Variants in MMADHC observed in about 807,000 individuals in gnomAD.
MMADHC encodes the protein cobalamin trafficking protein CblD.
In MMADHC, 23 loss-of-function variants were observed where a neutral mutation model predicts 36.3. The observed-to-expected ratio is 0.63, with a 90% CI of 0.46 to 0.90. The LOEUF is 0.90. Among genes scored for constraint, MMADHC ranks in the 40% least tolerant of loss-of-function variants. The probability of loss-of-function intolerance (pLI) is 0.00; values close to 1 mark genes in which losing one functional copy is unlikely to be tolerated. For missense variants in MMADHC, 330 were observed against 348.0 expected (o/e 0.95, Z 0.41); for synonymous variants, 97 against 116.1 (o/e 0.84, Z 1.06).
At chr2:149,570,724 C>G (rs1428044100) in intron 7 of MMADHC, among the ~76,000 whole-genome samples, 1 of 152,132 alleles carries the variant, frequency 6.6e-6, no homozygotes, top group East Asian at 1.9e-4. Context: ...CTGTATTTTA[C>G]TCAATTAATT....
chr2:149,574,790 T>A (rs773242057), intron 6 of MMADHC, among the ~76,000 whole-genome samples: 2 of 152,216 alleles, frequency 1.3e-5, no homozygotes, highest in African/African-American at 4.8e-5. Context: ...TTTAAACTTA[T>A]AAATGACTAA....
In MMADHC at chr2:149,579,414, T is replaced by A; in HGVS notation, c.372+17A>T. The A allele has an allele frequency of 6.3e-7, 1 of 1,594,850 alleles. No individual in the cohort carries two copies. Among genetic ancestry groups the A allele is most frequent in the Non-Finnish European group, 8.6e-7 (1 of 1,164,414 alleles). On this transcript the variant is annotated intron_variant, in intron 4 of 7. Transcript: ENST00000303319. ...TTAATAATCAGGAAAGCACAATAAA[T>A]GTTACCAACAATTTACCTGAAATTC...
intron 2 of MMADHC, among the ~76,000 whole-genome samples, chr2:149,584,023 T>A (rs566940122): frequency 1.3e-5 from 2 of 152,312 alleles, no homozygotes; most frequent in Admixed American, 1.3e-4. Context: ...TCTGTCAACC[T>A]GAAAATTTAG....
At chr2:149,582,097 A>G (rs758002608) in intron 3 of MMADHC, 30 bp downstream of exon 3, 26 of 1,611,400 alleles carry the variant, frequency 1.6e-5, no homozygotes, top group South Asian at 7.7e-5. Context: ...TGAAACAATT[A>G]TAAGTAAAGC....
In MMADHC at chr2:149,575,918, T is replaced by C. The variant is rs1682710324; in HGVS notation, c.479-77A>G. The C allele has an allele frequency of 9.5e-6, 11 of 1,154,298 alleles. No individual in the cohort carries two copies. The South Asian group carries it at 1.6e-4, about 17-fold the overall frequency. 71.5% of individuals were successfully genotyped at this position (1,154,298 alleles called of 1,614,324 possible). ...ACAAATTTTTAAAGAAGGATAAAAG[T>C]ACTTCTTTAGAAAAATGCTGATTAA... On this transcript the variant is annotated intron_variant, in intron 5 of 7. Coordinates refer to ENST00000303319, the MANE Select transcript of MMADHC (RefSeq NM_015702.3).
chr2:149,573,447 C>T (rs1682672196), intron 6 of MMADHC, among the ~76,000 whole-genome samples: 1 of 152,208 alleles, frequency 6.6e-6, no homozygotes, highest in African/African-American at 2.4e-5. Flanking sequence ...CCAACCTCCT[C>T]TGCTTAGCTG....
chr2:149,586,534 T>TA (rs1184935656), intron 2 of MMADHC, among the ~76,000 whole-genome samples: 1 of 152,032 alleles, frequency 6.6e-6, no homozygotes, highest in Non-Finnish European at 1.5e-5. Context: ...GTGTAGGTTC[T>TA]AAAAAAAATT....
At position 149,571,112 on chromosome 2, in the gene MMADHC, G is replaced by T; in HGVS notation, c.669C>A (p.Asp223Glu). ...CCAAACCAGATGATGGGTCAATAAA[G>T]TCAGCCCAATAACCCTCAGCTCGAA... ...YALRAEGYWA[D>E]FIDPSSGLAF... Residue 223 changes from aspartate to glutamate, a missense_variant, in exon 7 of 8, where the codon GAC becomes GAA. Coordinates refer to ENST00000303319, the MANE Select transcript of MMADHC (RefSeq NM_015702.3). The T allele has an allele frequency of 6.2e-7, 1 of 1,612,592 alleles. No homozygotes were observed. Among genetic ancestry groups the T allele is most frequent in the Non-Finnish European group, 8.5e-7 (1 of 1,178,952 alleles).
At chr2:149,585,651 A>T (rs755938970) in intron 2 of MMADHC, among the ~76,000 whole-genome samples, 1 of 152,216 alleles carries the variant, frequency 6.6e-6, no homozygotes, top group Non-Finnish European at 1.5e-5. Context: ...CTTTGTTCAG[A>T]AAGGCTTTGT....
At chr2:149,573,244 T>TCAAACAAA (rs35931030) in intron 6 of MMADHC, among the ~76,000 whole-genome samples, 2 of 151,978 alleles carry the variant, frequency 1.3e-5, no homozygotes, top group Admixed American at 6.6e-5. Context: ...AGACTAGTTT[T>TCAAACAAA]CAAACAAACA....
chr2:149,570,925 C>T (rs752888083), intron 7 of MMADHC, among the ~76,000 whole-genome samples, 160 bp downstream of exon 7: 1 of 152,112 alleles, frequency 6.6e-6, no homozygotes, highest in African/African-American at 2.4e-5. Context: ...ATAGAGGTCT[C>T]TCAAAAGTTG....
chr2:149,584,085 A>G (rs144039153), intron 2 of MMADHC, among the ~76,000 whole-genome samples: 1 of 152,186 alleles, frequency 6.6e-6, no homozygotes, highest in Non-Finnish European at 1.5e-5. Context: ...CAAAAATGGT[A>G]ATTATTTGGC....
rs916390253 is a variant in MMADHC at position 149,579,377 on chromosome 2, A to G, written c.372+54T>C. 4.7e-6 allele frequency: 7 copies of G among 1,491,494 alleles called. No individual in the cohort carries two copies. The African/African-American group carries it at 8.3e-5, about 18-fold the overall frequency. The allele number at this position is 1,491,494 out of a possible 1,614,324, so 92.4% of individuals were successfully genotyped here. A position where few individuals can be genotyped will look rare whatever the true frequency, so the allele number is the denominator to read the frequency against. ...AAAAGTAATATGCTTATAATAATCA[A>G]GTCATATAGCATTAATAATCAGGAA... On this transcript the variant is annotated intron_variant, in intron 4 of 7. Transcript: ENST00000303319.
rs150735541 is a variant in MMADHC at position 149,578,483 on chromosome 2, T to C, written c.372+948A>G. ...AAACAAAGATGGTTCAGTAGGCATA[T>C]AGAAATATAGAACTGGAAATGTCAG... On this transcript the variant is annotated intron_variant, in intron 4 of 7. Coordinates refer to ENST00000303319, the MANE Select transcript of MMADHC (RefSeq NM_015702.3). Among the ~76,000 whole-genome samples, 598 of 152,206 alleles carry C rather than the reference T, an allele frequency of 3.9e-3. 2 individuals carry two copies. The highest frequency in any genetic ancestry group is 6.9e-3 in the Non-Finnish European group (469 of 68,006).
intron 3 of MMADHC, among the ~76,000 whole-genome samples, chr2:149,579,977 G>C (rs1682773276): frequency 6.6e-6 from 1 of 152,146 alleles, no homozygotes; most frequent in Admixed American, 6.5e-5. Context: ...TGCGTTAAAA[G>C]AAAAAGCTAA....
intron 3 of MMADHC, among the ~76,000 whole-genome samples, chr2:149,581,830 G>C (rs1026577143): frequency 2.0e-5 from 3 of 152,176 alleles, no homozygotes; most frequent in African/African-American, 7.2e-5. Flanking sequence ...CAAAGAATGG[G>C]AAGAAATAAT....
Position 149,576,487 on chromosome 2 carries a change from C to A in MMADHC, c.428G>T (p.Ser143Ile), listed in dbSNP as rs34886916. The A allele has an allele frequency of 1.9e-3, 3,069 of 1,613,632 alleles. 59 individuals are homozygous for A. In the African/African-American group the frequency reaches 0.035, roughly 19 times the overall value. Residue 143 changes from serine to isoleucine, a missense_variant, in exon 5 of 8, where the codon AGT becomes ATT. Physicochemically the swap from Ser to Ile is moderately radical, Grantham distance 142. Transcript: ENST00000303319. ...EINSAETYFE[S>I]ARVECAIQTC... ...CTGTATTGCACACTCTACTCTGGCA[C>A]TTTCAAAGTAAGTTTCTGCACTGTT...
At chr2:149,570,982 GA>G in intron 7 of MMADHC, 102 bp downstream of exon 7, 2 of 997,402 alleles carry the variant, frequency 2.0e-6, no homozygotes, top group African/African-American at 1.6e-5. Context: ...AAAATTGTGA[GA>G]TTTTTAAAAA....
intron 6 of MMADHC, among the ~76,000 whole-genome samples, chr2:149,571,454 C>G (rs193211776): frequency 4.6e-5 from 7 of 152,140 alleles, no homozygotes; most frequent in Non-Finnish European, 1.0e-4. Context: ...TTCTGTACTA[C>G]TAACTTCTGA....
Sources: allele counts gnomAD v4.1 joint callset (sites outside exome capture counted in the v4.1 genomes callset), GRCh38; gene constraint gnomAD v4.1.1; transcripts MANE v1.5; gene names NCBI Gene and HGNC (gene_info 2026-07-23, HGNC 2026-07-21).